Variants in ZXDC observed in about 807,000 individuals in gnomAD.
ZXDC encodes the protein ZXD family zinc finger C, also known as zinc finger protein ZXDC.
Under a neutral mutation model 63.6 loss-of-function variants are expected in ZXDC, and 58 were observed. The observed-to-expected ratio is 0.91, with a 90% CI of 0.74 to 1.13. The LOEUF is 1.13. ZXDC is among the 50% of genes most tolerant of loss of function. ZXDC has a pLI of 0.00. For missense variants in ZXDC, 1,133 were observed against 1,148.9 expected, an observed-to-expected ratio of 0.99 and a Z score of 0.20; for synonymous variants, 561 against 496.1, an observed-to-expected ratio of 1.13 and a Z score of -1.74.
At chr3:126,457,460 TG>T in intron 7 of ZXDC, 2 of 985,392 alleles carry the variant, frequency 2.0e-6, no homozygotes, top group Non-Finnish European at 2.4e-6. Context: ...TTCAAGGATG[TG>T]GGTGGCACTG....
intron 7 of ZXDC, among the ~76,000 whole-genome samples, chr3:126,449,158 G>A (rs1933997217): frequency 6.6e-6 from 1 of 152,192 alleles, no homozygotes; most frequent in Non-Finnish European, 1.5e-5. Flanking sequence ...ACTTTGTTCT[G>A]ACAAAATGTT....
intron 7 of ZXDC, chr3:126,443,386 A>G (rs1476886098): frequency 6.6e-6 from 1 of 152,262 alleles, no homozygotes; most frequent in Non-Finnish European, 1.5e-5. Flanking sequence ...TGCCTGGGGC[A>G]CAAAACTTAC....
intron 5 of ZXDC, among the ~76,000 whole-genome samples, chr3:126,462,949 C>T (rs1934614419): frequency 6.6e-6 from 1 of 152,226 alleles, no homozygotes; most frequent in South Asian, 2.1e-4. Context: ...ACCACTGCAT[C>T]TCCAGCCTCA....
Position 126,475,782 on chromosome 3 carries a change from T to TGGGGCTCGGCGGAGCGGGCC in ZXDC, c.64_83dup (p.Pro30ArgfsTer101). 8.9e-7 allele frequency: 1 copy of TGGGGCTCGGCGGAGCGGGCC among 1,121,686 alleles called. No homozygotes were observed. The highest frequency in any genetic ancestry group is 1.1e-6 in the Non-Finnish European group (1 of 919,368). The allele number at this position is 1,121,686 out of a possible 1,614,324, so 69.5% of individuals were successfully genotyped here. ...GCGCGGGGCTCGCGCCGAGCGGCGC[T>TGGGGCTCGGCGGAGCGGGCC]GGGGCTCGGCGGAGCGGGCCGGGGC... On this transcript the variant is annotated frameshift_variant, in exon 1 of 10. Transcript: ENST00000389709. LOFTEE classifies it high-confidence loss of function.
intron 1 of ZXDC, among the ~76,000 whole-genome samples, chr3:126,472,694 G>GAA (rs1410284636): frequency 2.0e-5 from 3 of 152,144 alleles, no homozygotes; most frequent in Admixed American, 2.0e-4. Context: ...GTTGATCTTT[G>GAA]AAAGGCTACA....
chr3:126,446,456 C>A (rs1408532831), intron 7 of ZXDC, among the ~76,000 whole-genome samples: 3 of 152,222 alleles, frequency 2.0e-5, no homozygotes, highest in Admixed American at 2.0e-4. Flanking sequence ...CTGGGCCTGG[C>A]TCAAACAGCA....
chr3:126,464,712 G>C (rs1004500989), intron 5 of ZXDC, among the ~76,000 whole-genome samples: 11 of 152,112 alleles, frequency 7.2e-5, no homozygotes, highest in African/African-American at 2.7e-4. Flanking sequence ...CGGCCAAACA[G>C]GGGAGAGGCC....
intron 4 of ZXDC, among the ~76,000 whole-genome samples, chr3:126,469,833 C>A (rs9823344): frequency 6.6e-6 from 1 of 152,234 alleles, no homozygotes; most frequent in African/African-American, 2.4e-5. Flanking sequence ...GAAACTCTGA[C>A]GGAAGGAGGA....
chr3:126,457,585 T>A, intron 7 of ZXDC: 3 of 985,260 alleles, frequency 3.0e-6, no homozygotes. Flanking sequence ...AACCAATGAG[T>A]GCATTAAAAT....
chr3:126,473,264 C>T (rs573644638), intron 1 of ZXDC, among the ~76,000 whole-genome samples: 4 of 152,266 alleles, frequency 2.6e-5, no homozygotes, highest in South Asian at 2.1e-4. Flanking sequence ...ACCCCCCACA[C>T]CCCCATAGAT....
rs554261357 is a variant in ZXDC at position 126,469,540 on chromosome 3, T to C, written c.1270+1355A>G. ...ACTGTTAAGGCCCCCGTCCAGGCCA[T>C]CCCACCTCCCCACACCCCTGGCTGC... On this transcript the variant is annotated intron_variant, in intron 4 of 9. Transcript: ENST00000389709. Among the ~76,000 whole-genome samples the C allele has an allele frequency of 9.0e-4, 137 of 152,198 alleles. 1 individual carries two copies. The highest frequency in any genetic ancestry group is 6.5e-3 in the Admixed American group (99 of 15,284).
intron 7 of ZXDC, chr3:126,453,315 C>T: frequency 4.1e-6 from 4 of 985,278 alleles, no homozygotes; most frequent in Non-Finnish European, 4.8e-6. Flanking sequence ...AAATGAGGGC[C>T]TAGGGGCCAT....
Position 126,475,157 on chromosome 3 carries a change from G to A in ZXDC, c.709C>T (p.Pro237Ser). ...CAGCCGCCCACTGGACAGCCGAAGGGCCGCAGCTTGTCGTGCGACTGCAGG... is the reference window on the plus strand; with the variant it reads ...CAGCCGCCCACTGGACAGCCGAAGGACCGCAGCTTGTCGTGCGACTGCAGG... ...RHLQSHDKLR[P>S]FGCPVGGCGK... Residue 237 changes from proline (P) to serine (S), a missense_variant, in exon 1 of 10, where the codon CCC (proline) becomes TCC (serine). By Grantham distance (74) the Pro-to-Ser change is moderately conservative. Transcript: ENST00000389709. The A allele has an allele frequency of 6.2e-7, 1 of 1,605,906 alleles. No individual in the cohort carries two copies. The highest frequency in any genetic ancestry group is 8.5e-7 in the Non-Finnish European group (1 of 1,176,294).
intron 7 of ZXDC, chr3:126,459,305 C>G (rs1934429904): frequency 2.0e-6 from 2 of 985,338 alleles, no homozygotes; most frequent in Admixed American, 1.2e-4. Context: ...ATGCCAAGAT[C>G]AGGCCCCAAG....
In ZXDC at chr3:126,439,706, C is replaced by T; in HGVS notation, c.2416G>A (p.Val806Ile). Reference sequence around the variant, plus strand: ...GCTGGGCCGCGGGCCGAGGGCAGGACACCTTCGCCGGAGGGGTCATCCTGG... The same window carrying T: ...GCTGGGCCGCGGGCCGAGGGCAGGATACCTTCGCCGGAGGGGTCATCCTGG... ...LVQDDPSGEG[V>I]LPSARGPATF... The change falls in exon 9 of 10, where the codon GTC becomes ATC. Residue 806 changes from valine (V) to isoleucine (I), a missense_variant. Transcript: ENST00000389709. 6.4e-7 allele frequency: 1 copy of T among 1,551,942 alleles called. No individual in the cohort carries two copies.
intron 7 of ZXDC, among the ~76,000 whole-genome samples, chr3:126,455,793 G>T (rs945418842): frequency 6.6e-6 from 1 of 151,916 alleles, no homozygotes; most frequent in East Asian, 1.9e-4. Flanking sequence ...GTCAGGAGAT[G>T]GAGACCATCC....
intron 7 of ZXDC, chr3:126,451,031 G>T (rs949506915): frequency 8.6e-6 from 5 of 580,604 alleles, no homozygotes; most frequent in Non-Finnish European, 1.1e-5. Context: ...CCATGGAAAG[G>T]AAAGGGACTC....
chr3:126,462,184 G>GT lies in ZXDC; in HGVS notation c.1477dup (p.Thr493AsnfsTer5), dbSNP rs758708080. The GT allele has an allele frequency of 6.2e-7, 1 of 1,606,416 alleles. No individual in the cohort carries two copies. ...TGGGCTGCTGAGTTCACTGCTGGGA[G>GT]TAAGAGAACTCGGAGCTTCTAGCTG... On this transcript the variant is annotated frameshift_variant, in exon 6 of 10. Coordinates refer to ENST00000389709, the MANE Select transcript of ZXDC (RefSeq NM_025112.5). LOFTEE classifies it high-confidence loss of function.
chr3:126,471,919 T>C, intron 3 of ZXDC, 54 bp downstream of exon 3: 1 of 1,455,462 alleles, frequency 6.9e-7, no homozygotes, highest in South Asian at 1.2e-5. Context: ...TTTCTGCTGC[T>C]GACAAACCAC....
Sources: gnomAD v4.1 joint callset for allele counts (sites outside exome capture counted in the v4.1 genomes callset) on GRCh38, gnomAD v4.1.1 for gene constraint, MANE v1.5 for transcripts, NCBI Gene and HGNC (gene_info 2026-07-23, HGNC 2026-07-21) for gene names.